Variants in CARNMT1 observed in about 807,000 individuals in gnomAD.
CARNMT1 encodes carnosine N-methyltransferase 1.
In CARNMT1, 28 loss-of-function variants were observed where a neutral mutation model predicts 49.6. That is an observed-to-expected ratio of 0.56 (90% CI 0.42 to 0.77). The LOEUF (loss-of-function observed/expected upper bound fraction) is 0.77, where lower values mean the gene tolerates loss of function less well. Ranked by LOEUF, CARNMT1 falls within the 30% of genes least tolerant of loss-of-function variation. CARNMT1 has a pLI of 0.00. For missense variants in CARNMT1, 421 were observed against 512.6 expected, an observed-to-expected ratio of 0.82 and a Z score of 1.73; for synonymous variants, 178 against 175.0, an observed-to-expected ratio of 1.02 and a Z score of -0.13.
chr9:75,016,105 A>G, intron 3 of CARNMT1, 163 bp downstream of exon 3: 1 of 485,666 alleles, frequency 2.1e-6, no homozygotes, highest in Non-Finnish European at 3.6e-6. Context: ...TAACAACTGT[A>G]ATCTCACACA....
In CARNMT1 at chr9:75,028,122, G is replaced by C; in HGVS notation, c.120C>G (p.Ala40=). 6.4e-7 allele frequency: 1 copy of C among 1,556,706 alleles called. No individual in the cohort carries two copies. The highest frequency in any genetic ancestry group is 8.7e-7 in the Non-Finnish European group (1 of 1,153,942). Residue 40 remains alanine, a synonymous_variant, in exon 1 of 8, where the codon GCC becomes GCG. Coordinates refer to ENST00000376834, the MANE Select transcript of CARNMT1 (RefSeq NM_152420.3). The part of the protein sequence containing the change: ...VQFSAGRWGS[A]AAVSAAAAAA... ...CCGCCGCTGCCGCCGAAACCGCCGCGGCCGAGCCCCAACGCCCGGCGGAAA... is the reference window on the plus strand; with the variant it reads ...CCGCCGCTGCCGCCGAAACCGCCGCCGCCGAGCCCCAACGCCCGGCGGAAA...
intron 6 of CARNMT1, among the ~76,000 whole-genome samples, chr9:74,992,001 G>A (rs946291766): frequency 2.0e-5 from 3 of 152,180 alleles, no homozygotes; most frequent in Non-Finnish European, 4.4e-5. Flanking sequence ...GCCAGGCACA[G>A]TGGCTCACGC....
At chr9:75,009,733 T>C (rs1291640166) in intron 3 of CARNMT1, 1 of 152,172 alleles carries the variant, frequency 6.6e-6, no homozygotes, top group Non-Finnish European at 1.5e-5. Context: ...GAGAAATGAT[T>C]TTTTTCTGGT....
chr9:75,000,126 G>A (rs1269030075), intron 3 of CARNMT1, among the ~76,000 whole-genome samples: 1 of 152,054 alleles, frequency 6.6e-6, no homozygotes, highest in Non-Finnish European at 1.5e-5. Context: ...TACATCTCAA[G>A]ACTTATAAAG....
intron 3 of CARNMT1, among the ~76,000 whole-genome samples, chr9:75,000,534 C>T (rs1288715356): frequency 2.0e-5 from 3 of 152,092 alleles, no homozygotes; most frequent in Non-Finnish European, 4.4e-5. Context: ...ATTTCCTTCA[C>T]GTAAGATCCA....
intron 3 of CARNMT1, 89 bp downstream of exon 3, chr9:75,016,179 A>C (rs1833842565): frequency 1.0e-6 from 1 of 981,988 alleles, no homozygotes; most frequent in South Asian, 1.6e-5. Context: ...AGCAACTATA[A>C]CAATGAAGCG....
chr9:75,000,648 T>C (rs1391082398), intron 3 of CARNMT1, among the ~76,000 whole-genome samples: 2 of 152,132 alleles, frequency 1.3e-5, no homozygotes, highest in Non-Finnish European at 2.9e-5. Flanking sequence ...TGTAGTCTTA[T>C]AAGAAGCCAA....
At chr9:74,987,924 T>G (rs957729702) in intron 6 of CARNMT1, among the ~76,000 whole-genome samples, 5 of 152,168 alleles carry the variant, frequency 3.3e-5, no homozygotes, top group Non-Finnish European at 7.3e-5. Flanking sequence ...ATTCACGACC[T>G]AGTTGCCCAT....
rs996191747 is a variant in CARNMT1 at position 75,027,889 on chromosome 9, C to T, written c.230+123G>A. ...CTCGGGGCCCGGAGGTCAGCTGCAGCAGCCGGGTCCCGACGCCTCGGAGGC... is the reference window on the plus strand; with the variant it reads ...CTCGGGGCCCGGAGGTCAGCTGCAGTAGCCGGGTCCCGACGCCTCGGAGGC... On this transcript the variant is annotated intron_variant, in intron 1 of 7. Transcript: ENST00000376834. 6 of 1,126,946 alleles carry T rather than the reference C, an allele frequency of 5.3e-6. No homozygotes were observed. In the African/African-American group the frequency reaches 1.0e-4, roughly 19 times the overall value. 69.8% of individuals were successfully genotyped at this position (1,126,946 alleles called of 1,614,324 possible).
At chr9:75,014,978 G>A (rs148058282) in intron 3 of CARNMT1, among the ~76,000 whole-genome samples, 1 of 152,168 alleles carries the variant, frequency 6.6e-6, no homozygotes. Flanking sequence ...AGGCAAAGGA[G>A]AGGAGGAAAA....
In CARNMT1 at chr9:75,016,630, A is replaced by T. The variant is rs532276862; in HGVS notation, c.427-199T>A. On this transcript the variant is annotated intron_variant, in intron 2 of 7. Coordinates refer to ENST00000376834, the MANE Select transcript of CARNMT1 (RefSeq NM_152420.3). Reference sequence around the variant, plus strand: ...GTCTCACTGCTACCCTCAAAAGATTAAGGTCCATTAATCATAAAACCACCA... The same window carrying T: ...GTCTCACTGCTACCCTCAAAAGATTTAGGTCCATTAATCATAAAACCACCA... 4 of 534,000 alleles carry T rather than the reference A, an allele frequency of 7.5e-6. No homozygotes were observed. In the East Asian group the frequency reaches 9.2e-5, roughly 12 times the overall value. The allele number at this position is 534,000 out of a possible 1,614,324, so 33.1% of individuals were successfully genotyped here. A position where few individuals can be genotyped will look rare whatever the true frequency, so the allele number is the denominator to read the frequency against.
chr9:75,020,111 T>G (rs1455339352), intron 1 of CARNMT1, among the ~76,000 whole-genome samples: 1 of 152,166 alleles, frequency 6.6e-6, no homozygotes, highest in East Asian at 1.9e-4. Flanking sequence ...GACAGGATAA[T>G]GTGTTTTAAA....
At chr9:75,017,169 A>G in intron 2 of CARNMT1, 84 bp downstream of exon 2, 2 of 1,064,974 alleles carry the variant, frequency 1.9e-6, no homozygotes, top group Non-Finnish European at 2.7e-6. Context: ...GCCAGATTAT[A>G]AAAATGAAAT....
chr9:74,988,947 A>G (rs1403557139), intron 6 of CARNMT1, among the ~76,000 whole-genome samples: 1 of 152,242 alleles, frequency 6.6e-6, no homozygotes, highest in African/African-American at 2.4e-5. Context: ...CACTAACAGA[A>G]CAAGAGCATA....
At chr9:75,018,423 C>G (rs1833912767) in intron 1 of CARNMT1, among the ~76,000 whole-genome samples, 1 of 152,032 alleles carries the variant, frequency 6.6e-6, no homozygotes, top group East Asian at 1.9e-4. Context: ...TTTATATTGA[C>G]AAGATGGCCA....
At chr9:75,010,252 T>C (rs1439233411) in intron 3 of CARNMT1, 2 of 151,606 alleles carry the variant, frequency 1.3e-5, no homozygotes, top group Non-Finnish European at 2.9e-5. Context: ...GCCTTCCAAG[T>C]AGCTGGGATT....
rs879699625 is a variant in CARNMT1, at chr9:74,992,270, T to TA, written c.1024+4176dup. ...CTGGGTGACAGAGTGAGACTCCATC[T>TA]AAAAAAAAAAAAGAAAAAAAAATTC... is the stretch of plus-strand genomic sequence containing the variant. On this transcript the variant is annotated intron_variant, in intron 6 of 7. Coordinates refer to ENST00000376834, the MANE Select transcript of CARNMT1 (RefSeq NM_152420.3). Among the ~76,000 whole-genome samples, 856 of 138,574 alleles carry TA rather than the reference T, an allele frequency of 6.2e-3. 4 individuals are homozygous for TA. Among genetic ancestry groups the TA allele is most frequent in the African/African-American group, 0.014 (535 of 37,678 alleles). The allele number at this position is 138,574 out of a possible 152,430, so 90.9% of individuals were successfully genotyped here.
In CARNMT1 at chr9:74,996,474, T is replaced by C; in HGVS notation, c.997A>G (p.Lys333Glu). The change falls in exon 6 of 8, where the codon AAG (lysine) becomes GAG (glutamate). Residue 333 changes from lysine to glutamate, a missense_variant. This residue lies in a region of CARNMT1 where 235 missense variants were observed against 344.8 expected (regional missense o/e 0.68). Coordinates refer to ENST00000376834, the MANE Select transcript of CARNMT1 (RefSeq NM_152420.3). ...AGATTTATCCAAATTCCACCTGGCT[T>C]GAGTATTTTCCATATTGTATCAATA... ...DYIDTIWKIL[K>E]PGGIWINLGP... 1 of 1,601,836 alleles carries C rather than the reference T, an allele frequency of 6.2e-7. No individual in the cohort carries two copies. Among genetic ancestry groups the C allele is most frequent in the Non-Finnish European group, 8.5e-7 (1 of 1,175,032 alleles).
chr9:74,988,435 T>TAC (rs1487376369), intron 6 of CARNMT1, among the ~76,000 whole-genome samples: 8 of 152,246 alleles, frequency 5.3e-5, no homozygotes, highest in Admixed American at 6.5e-5. Context: ...TTACATCTTA[T>TAC]ACTTCATTAG....
Sources: allele counts gnomAD v4.1 joint callset (sites outside exome capture counted in the v4.1 genomes callset), GRCh38; gene constraint gnomAD v4.1.1; regional missense constraint gnomAD v4.1.1; transcripts MANE v1.5; gene names NCBI Gene and HGNC (gene_info 2026-07-23, HGNC 2026-07-21).